Variants in C4orf51 observed in about 807,000 individuals in gnomAD.
C4orf51 encodes the protein uncharacterized protein C4orf51.
C4orf51 carries 25 observed loss-of-function variants against 25.2 expected under a neutral mutation model. The ratio of observed to expected loss-of-function variants is 0.99; its 90% CI spans 0.72 to 1.39. The LOEUF (loss-of-function observed/expected upper bound fraction) is 1.39, where lower values mean the gene tolerates loss of function less well. Among genes scored for constraint, C4orf51 ranks in the 40% most tolerant of loss-of-function variants. The probability of loss-of-function intolerance (pLI) is 0.00; values close to 1 mark genes in which losing one functional copy is unlikely to be tolerated. For synonymous variants in C4orf51, 100 were observed against 84.5 expected (o/e 1.18, Z -1.01); for missense variants, 252 against 239.6 (o/e 1.05, Z -0.34).
At chr4:145,774,724 T>C (rs757172959), downstream of C4orf51, 8 of 1,577,302 alleles carry the variant, frequency 5.1e-6, no homozygotes, top group East Asian at 1.8e-4. Flanking sequence ...TGACACATAC[T>C]TCTAAATGTA....
At chr4:145,728,856 T>G (rs1457951370) in intron 3 of C4orf51, among the ~76,000 whole-genome samples, 1 of 152,174 alleles carries the variant, frequency 6.6e-6, no homozygotes, top group Admixed American at 6.5e-5. Flanking sequence ...ATATTAGGAT[T>G]GTACTCCTTT....
At chr4:145,746,388 G>T (rs569055524) in intron 1 of C4orf51, among the ~76,000 whole-genome samples, 29 of 152,142 alleles carry the variant, frequency 1.9e-4, no homozygotes, top group Non-Finnish European at 4.1e-4. Context: ...TTTGATTTTT[G>T]TATATAGTGA....
At chr4:145,683,433 C>G (rs1462166645) in intron 1 of C4orf51, among the ~76,000 whole-genome samples, 2 of 152,026 alleles carry the variant, frequency 1.3e-5, no homozygotes, top group Non-Finnish European at 2.9e-5. Flanking sequence ...GGCAAAAGAC[C>G]AAGAATAACC....
chr4:145,765,437 C>T lies in C4orf51; in HGVS notation n.167-5551C>T. 7.7e-7 allele frequency: 1 copy of T among 1,306,140 alleles called. No individual in the cohort carries two copies. Among genetic ancestry groups the T allele is most frequent in the Non-Finnish European group, 1.0e-6 (1 of 958,252 alleles). 80.9% of individuals were successfully genotyped at this position (1,306,140 alleles called of 1,614,324 possible). A position where few individuals can be genotyped will look rare whatever the true frequency, so the allele number is the denominator to read the frequency against. On this transcript the variant is annotated intron_variant and non_coding_transcript_variant, in intron 1 of 1. Coordinates refer to the C4orf51 transcript ENST00000510096. The surrounding 1 kb of genome is among the most constrained non-coding windows in gnomAD (Gnocchi z 4.7). ...TTAGGTGAGGCCCAGCATACTGCATCCTGGGCCTATTATCAGTTTTTGACA... is the reference window on the plus strand; with the variant it reads ...TTAGGTGAGGCCCAGCATACTGCATTCTGGGCCTATTATCAGTTTTTGACA...
chr4:145,680,197 C>T lies in C4orf51; in HGVS notation c.-7C>T, dbSNP rs17020528. 117,258 of 1,592,302 alleles carry T rather than the reference C, an allele frequency of 0.074. 6,686 individuals are homozygous for T. Among genetic ancestry groups the T allele is most frequent in the African/African-American group, 0.29 (21,369 of 74,520 alleles). On this transcript the variant is annotated 5_prime_UTR_variant, in exon 1 of 6. Coordinates refer to ENST00000438731, the MANE Select transcript of C4orf51 (RefSeq NM_001080531.3). ...CAAGTTGTTTTCCAGAGAGGCCGTT[C>T]GTAGTTATGTCACACTACTTCTACT...
Position 145,762,728 on chromosome 4 carries a change from G to A in C4orf51, n.167-8260G>A, listed in dbSNP as rs749775620. The stretch of plus-strand genomic sequence containing the variant: ...CCAGAGGGGCCACGAGGAGTGGTGA[G>A]GCCATGTTAACAAACTCTGCTGAGC... On this transcript the variant is annotated intron_variant and non_coding_transcript_variant, in intron 1 of 1. Transcript: ENST00000510096. This position sits in a 1 kb window ranked among gnomAD's most constrained non-coding sequence, Gnocchi z 4.9. Among the ~76,000 whole-genome samples the A allele has an allele frequency of 3.3e-5, 5 of 152,308 alleles. No homozygotes were observed. The highest frequency in any genetic ancestry group is 1.2e-4 in the African/African-American group (5 of 41,556).
At chr4:145,730,028 T>C in intron 5 of C4orf51, 63 bp downstream of exon 5, 1 of 1,385,270 alleles carries the variant, frequency 7.2e-7, no homozygotes, top group Non-Finnish European at 1.0e-6. Flanking sequence ...AGCGGGGTTC[T>C]GAGTGTCTCT....
At chr4:145,774,866 G>C (rs1329269682), downstream of C4orf51, among the ~76,000 whole-genome samples, 1 of 152,204 alleles carries the variant, frequency 6.6e-6, no homozygotes, top group African/African-American at 2.4e-5. Context: ...CTGTGCCAAA[G>C]AGACTAAGGG....
At chr4:145,726,857 A>G (rs1423968987) in intron 2 of C4orf51, 54 bp from the exon 3 acceptor site, 5 of 1,461,686 alleles carry the variant, frequency 3.4e-6, no homozygotes, top group Non-Finnish European at 4.8e-6. Flanking sequence ...AGTGTAAGGA[A>G]TTTTATTCTA....
downstream of C4orf51, chr4:145,758,835 C>G (rs1279953245): frequency 1.3e-5 from 2 of 152,142 alleles, no homozygotes; most frequent in African/African-American, 4.8e-5. Flanking sequence ...CCATCCATGG[C>G]GGGATGACTG....
In C4orf51 at chr4:145,763,081, G is replaced by C; in HGVS notation, n.167-7907G>C. On this transcript the variant is annotated intron_variant and non_coding_transcript_variant, in intron 1 of 1. Transcript: ENST00000510096. This position sits in a 1 kb window ranked among gnomAD's most constrained non-coding sequence, Gnocchi z 4.6. ...GCACACACAACCCCTACGCCAAGCT[G>C]GGCCTTACCTAGAGGAGTCTGAAAC... is the stretch of plus-strand genomic sequence containing the variant. The C allele has an allele frequency of 6.5e-7, 1 of 1,535,774 alleles. No homozygotes were observed. Among genetic ancestry groups the C allele is most frequent in the Non-Finnish European group, 8.7e-7 (1 of 1,146,700 alleles).
downstream of C4orf51, among the ~76,000 whole-genome samples, chr4:145,756,029 G>A (rs1023672964): frequency 3.9e-5 from 6 of 152,072 alleles, no homozygotes; most frequent in Non-Finnish European, 7.4e-5. Flanking sequence ...GCTCTCCTTC[G>A]TCCCCACAGA....
chr4:145,689,927 G>A (rs537762124), intron 1 of C4orf51, among the ~76,000 whole-genome samples: 1 of 152,308 alleles, frequency 6.6e-6, no homozygotes, highest in South Asian at 2.1e-4. Context: ...AGAAGAGGCT[G>A]GGCGCGGTGG....
chr4:145,776,628 AC>A, the C4orf51 span, among the ~76,000 whole-genome samples: 1 of 150,596 alleles, frequency 6.6e-6, no homozygotes, highest in African/African-American at 2.4e-5. Flanking sequence ...GTGTGTGTGT[AC>A]CCCATGTGTC....
intron 1 of C4orf51, among the ~76,000 whole-genome samples, chr4:145,690,690 A>G (rs916896991): frequency 5.9e-5 from 9 of 152,186 alleles, no homozygotes; most frequent in African/African-American, 1.9e-4. Flanking sequence ...AACAGAGTAA[A>G]GAGACAACCC....
At chr4:145,753,375 T>A (rs1236427245) in intron 1 of C4orf51, among the ~76,000 whole-genome samples, 1 of 151,672 alleles carries the variant, frequency 6.6e-6, no homozygotes, top group Non-Finnish European at 1.5e-5. Flanking sequence ...TGTATGTACC[T>A]ATGCATTCTT....
chr4:145,716,064 C>A (rs1277239536), intron 2 of C4orf51, among the ~76,000 whole-genome samples: 3 of 152,194 alleles, frequency 2.0e-5, no homozygotes, highest in African/African-American at 7.2e-5. Context: ...TAGGTTAACA[C>A]TAATTGTTAT....
At chr4:145,786,753 G>A in the C4orf51 span, among the ~76,000 whole-genome samples, 7 of 152,200 alleles carry the variant, frequency 4.6e-5, no homozygotes, top group Non-Finnish European at 2.9e-5. Flanking sequence ...GTCAGCTGTG[G>A]TTATGACTCT....
At chr4:145,778,051 G>A in the C4orf51 span, among the ~76,000 whole-genome samples, 9 of 151,928 alleles carry the variant, frequency 5.9e-5, no homozygotes, top group Admixed American at 2.6e-4. Flanking sequence ...GTCTTTAGTC[G>A]AATTTAAAAT....
Sources: gnomAD v4.1 joint callset for allele counts (sites outside exome capture counted in the v4.1 genomes callset) on GRCh38, gnomAD v4.1.1 for gene constraint, Gnocchi (gnomAD v3.1) non-coding constraint, MANE v1.5 for transcripts, NCBI Gene and HGNC (gene_info 2026-07-23, HGNC 2026-07-21) for gene names.